The following RABGAP1L variants were observed in gnomAD, a reference collection of about 807,000 sequenced individuals.
RABGAP1L encodes the protein rab GTPase-activating protein 1-like.
In RABGAP1L, 63 loss-of-function variants were observed where a neutral mutation model predicts 137.7. That is an observed-to-expected ratio of 0.46 (90% CI 0.37 to 0.56). The LOEUF is 0.56. Among genes scored for constraint, RABGAP1L ranks in the 20% least tolerant of loss-of-function variants. The pLI is 0.00. For synonymous variants in RABGAP1L, 431 were observed against 433.7 expected (o/e 0.99, Z 0.08); for missense variants, 1,095 against 1,244.0 (o/e 0.88, Z 1.80).
At chr1:174,683,750 A>T (rs1572798001) in intron 15 of RABGAP1L, among the ~76,000 whole-genome samples, 154 bp downstream of exon 15, 1 of 152,310 alleles carries the variant, frequency 6.6e-6, no homozygotes, top group East Asian at 1.9e-4. Context: ...AAAGTAAGAG[A>T]TATGATGTCA....
chr1:174,903,210 C>T (rs1658429305), intron 19 of RABGAP1L, among the ~76,000 whole-genome samples: 1 of 152,186 alleles, frequency 6.6e-6, no homozygotes, highest in African/African-American at 2.4e-5. Context: ...GTGTAAATAT[C>T]CTTCCAAAGC....
intron 13 of RABGAP1L, among the ~76,000 whole-genome samples, chr1:174,632,299 C>T (rs545673379): frequency 6.7e-5 from 10 of 149,028 alleles, no homozygotes; most frequent in African/African-American, 1.5e-4. Flanking sequence ...GAGGGTAACC[C>T]GACCTTTCTC....
At chr1:174,391,664 A>G (rs2149077790) in intron 12 of RABGAP1L, among the ~76,000 whole-genome samples, 1 of 152,280 alleles carries the variant, frequency 6.6e-6, no homozygotes, top group Middle Eastern at 3.4e-3. Context: ...TTTCACATGC[A>G]GTTTTAATTA....
At chr1:174,495,351 C>A (rs1660648754) in intron 13 of RABGAP1L, among the ~76,000 whole-genome samples, 1 of 152,068 alleles carries the variant, frequency 6.6e-6, no homozygotes, top group Admixed American at 6.5e-5. Context: ...TTTTCCCTTG[C>A]TCCTCTTTTT....
At chr1:174,473,811 G>T (rs1419033294) in intron 13 of RABGAP1L, among the ~76,000 whole-genome samples, 1 of 152,204 alleles carries the variant, frequency 6.6e-6, no homozygotes, top group Non-Finnish European at 1.5e-5. Context: ...CGCCCCTAAA[G>T]CTCCTGCAGA....
chr1:174,372,509 A>T (rs1313539700), intron 12 of RABGAP1L, among the ~76,000 whole-genome samples: 1 of 152,108 alleles, frequency 6.6e-6, no homozygotes, highest in Non-Finnish European at 1.5e-5. Context: ...GACAAAAGGG[A>T]TGTTAACCTA....
chr1:174,579,464 T>C (rs1668586586), intron 13 of RABGAP1L, among the ~76,000 whole-genome samples: 1 of 152,228 alleles, frequency 6.6e-6, no homozygotes, highest in Admixed American at 6.5e-5. Context: ...AGTATGCATA[T>C]GCACTTGTAC....
At chr1:174,291,597 A>G (rs1203676660) in intron 10 of RABGAP1L, among the ~76,000 whole-genome samples, 1 of 152,196 alleles carries the variant, frequency 6.6e-6, no homozygotes, top group Non-Finnish European at 1.5e-5. Context: ...AGTTTACTTT[A>G]TGGGAAGCCT....
At chr1:174,617,063 A>C (rs1671954495) in intron 13 of RABGAP1L, among the ~76,000 whole-genome samples, 1 of 152,212 alleles carries the variant, frequency 6.6e-6, no homozygotes, top group Non-Finnish European at 1.5e-5. Flanking sequence ...CAAAGGAACT[A>C]AAAAGGAATA....
chr1:174,303,564 T>A (rs1677922834), intron 10 of RABGAP1L, among the ~76,000 whole-genome samples: 1 of 152,208 alleles, frequency 6.6e-6, no homozygotes, highest in Non-Finnish European at 1.5e-5. Flanking sequence ...GTTGCTAAGC[T>A]GTAATGAATG....
chr1:174,685,232 G>A (rs537307979), intron 15 of RABGAP1L, among the ~76,000 whole-genome samples: 2 of 152,108 alleles, frequency 1.3e-5, no homozygotes, highest in South Asian at 4.1e-4. Flanking sequence ...TTTAGGAGTT[G>A]ATGATGATGA....
chr1:174,901,940 A>G (rs1658206140), intron 19 of RABGAP1L, among the ~76,000 whole-genome samples: 1 of 152,016 alleles, frequency 6.6e-6, no homozygotes, highest in Non-Finnish European at 1.5e-5. Flanking sequence ...CTATCGTAGG[A>G]CTGCTGTGGT....
intron 21 of RABGAP1L, among the ~76,000 whole-genome samples, chr1:174,973,869 A>C (rs1670384907): frequency 6.6e-6 from 1 of 151,840 alleles, no homozygotes; most frequent in Non-Finnish European, 1.5e-5. Flanking sequence ...CTTCTTTATT[A>C]GCAGGGCTCA....
In RABGAP1L at chr1:174,957,465, C is replaced by A; in HGVS notation, c.2349C>A (p.Thr783=). Residue 783 remains threonine, a synonymous_variant, in exon 20 of 26, where the codon ACC becomes ACA. Transcript: ENST00000681986. ...TCCTCAAATCCCTGCAGGTACCAAC[C>A]AAGAAGCTGAAGAAATATGAGAAAG... The part of the protein sequence containing the change: ...MEQACNIKVP[T]KKLKKYEKEY... 4 of 1,613,072 alleles carry A rather than the reference C, an allele frequency of 2.5e-6. No homozygotes were observed. The highest frequency in any genetic ancestry group is 3.4e-6 in the Non-Finnish European group (4 of 1,179,188).
At chr1:174,628,025 G>A (rs370861711) in intron 13 of RABGAP1L, among the ~76,000 whole-genome samples, 2 of 152,028 alleles carry the variant, frequency 1.3e-5, no homozygotes, top group African/African-American at 4.8e-5. Flanking sequence ...GACTGCTCTG[G>A]CAAATTTAGA....
At chr1:174,242,790 C>T (rs1671934794) in intron 5 of RABGAP1L, among the ~76,000 whole-genome samples, 1 of 152,002 alleles carries the variant, frequency 6.6e-6, no homozygotes, top group African/African-American at 2.4e-5. Context: ...ATTTTTTTCC[C>T]AGCACTTACA....
At chr1:174,510,457 T>G (rs1662228633) in intron 13 of RABGAP1L, among the ~76,000 whole-genome samples, 1 of 152,212 alleles carries the variant, frequency 6.6e-6, no homozygotes, top group South Asian at 2.1e-4. Context: ...CCTATTCCTT[T>G]CTGACTTTGG....
At chr1:174,491,521 G>T (rs544884820) in intron 13 of RABGAP1L, among the ~76,000 whole-genome samples, 6 of 152,020 alleles carry the variant, frequency 3.9e-5, no homozygotes, top group Admixed American at 3.9e-4. Flanking sequence ...GGAGCCACAA[G>T]GGGTCTCTTT....
intron 15 of RABGAP1L, among the ~76,000 whole-genome samples, chr1:174,690,567 A>G (rs979143206): frequency 3.9e-5 from 6 of 152,182 alleles, no homozygotes; most frequent in African/African-American, 7.2e-5. Flanking sequence ...TTTTACATTA[A>G]TAATTATTTG....
Sources: allele counts gnomAD v4.1 joint callset (sites outside exome capture counted in the v4.1 genomes callset), GRCh38; gene constraint gnomAD v4.1.1; transcripts MANE v1.5; gene names NCBI Gene and HGNC (gene_info 2026-07-23, HGNC 2026-07-21).